The following WDR70 variants were observed in gnomAD, a reference collection of about 807,000 sequenced individuals.
WDR70 encodes WD repeat-containing protein 70.
WDR70 carries 53 observed loss-of-function variants against 88.6 expected under a neutral mutation model. That is an observed-to-expected ratio of 0.60 (90% CI 0.48 to 0.75). The LOEUF (loss-of-function observed/expected upper bound fraction) is 0.75, where lower values mean the gene tolerates loss of function less well. Among genes scored for constraint, WDR70 ranks in the 30% least tolerant of loss-of-function variants. WDR70 has a pLI of 0.00. For synonymous variants in WDR70, 280 were observed against 270.0 expected, an observed-to-expected ratio of 1.04 and a Z score of -0.36; for missense variants, 610 against 823.2, an observed-to-expected ratio of 0.74 and a Z score of 3.17.
At chr5:37,581,305 A>G (rs1308205949) in intron 9 of WDR70, among the ~76,000 whole-genome samples, 1 of 152,178 alleles carries the variant, frequency 6.6e-6, no homozygotes, top group Non-Finnish European at 1.5e-5. Context: ...GGCATTTACT[A>G]TGGGCAAGAG....
intron 9 of WDR70, among the ~76,000 whole-genome samples, chr5:37,523,958 C>T (rs867473844): frequency 2.0e-4 from 31 of 152,226 alleles, no homozygotes; most frequent in Middle Eastern, 3.4e-3. Flanking sequence ...TGAACAAAGC[C>T]GCTAAGAAAT....
chr5:37,424,556 C>A (rs954621722), intron 5 of WDR70, among the ~76,000 whole-genome samples: 2 of 151,776 alleles, frequency 1.3e-5, no homozygotes, highest in East Asian at 3.9e-4. Flanking sequence ...AAGTGCGCAC[C>A]ACCATGCCCG....
chr5:37,747,241 C>A (rs2112743118), intron 17 of WDR70, among the ~76,000 whole-genome samples: 1 of 152,172 alleles, frequency 6.6e-6, no homozygotes, highest in Middle Eastern at 3.4e-3. Context: ...CAAAAGAAGA[C>A]ATTTACGTGG....
intron 10 of WDR70, among the ~76,000 whole-genome samples, chr5:37,693,126 A>G (rs1336358749): frequency 6.6e-6 from 1 of 152,180 alleles, no homozygotes; most frequent in Non-Finnish European, 1.5e-5. Context: ...CTACAAAGAG[A>G]ATAAAATACC....
intron 10 of WDR70, among the ~76,000 whole-genome samples, chr5:37,689,383 C>T (rs191820925): frequency 1.3e-5 from 2 of 152,372 alleles, no homozygotes; most frequent in African/African-American, 2.4e-5. Flanking sequence ...ACTGCCTCCT[C>T]AAGTTGGTTC....
rs567975800 is a variant in WDR70 at position 37,562,463 on chromosome 5, A to G, written c.918-42601A>G. ...TTAATTCTCTTTTTTTTTTTTTTTA[A>G]TTGATCATTCTTGGGTGTTTCTCCC... On this transcript the variant is annotated intron_variant, in intron 9 of 17. Transcript: ENST00000265107. 9.5e-3 allele frequency among the ~76,000 whole-genome samples: 1,385 copies of G among 146,494 alleles called. 27 individuals are homozygous for G. The highest frequency in any genetic ancestry group is 0.033 in the African/African-American group (1,320 of 39,600).
intron 7 of WDR70, among the ~76,000 whole-genome samples, chr5:37,459,280 G>C (rs796725533): frequency 0.051 from 5,132 of 101,054 alleles, 155 homozygotes; most frequent in South Asian, 0.082. Context: ...GTGTGGTGTG[G>C]TGCTGAAAAA....
intron 10 of WDR70, among the ~76,000 whole-genome samples, chr5:37,625,467 A>G (rs1744636294): frequency 6.6e-6 from 1 of 152,022 alleles, no homozygotes; most frequent in South Asian, 2.1e-4. Flanking sequence ...CATGTTGACC[A>G]TATGTATGTC....
intron 9 of WDR70, among the ~76,000 whole-genome samples, chr5:37,591,016 T>C (rs10063001): frequency 0.11 from 16,305 of 152,136 alleles, 2,819 homozygotes; most frequent in African/African-American, 0.36. Flanking sequence ...ACAAATCAAA[T>C]TGATAAATCC....
intron 12 of WDR70, among the ~76,000 whole-genome samples, chr5:37,701,769 G>A (rs1293221048): frequency 1.5e-5 from 2 of 129,144 alleles, no homozygotes; most frequent in Non-Finnish European, 3.2e-5. Context: ...CTGGGGGACA[G>A]AGCCAGACTC....
intron 7 of WDR70, among the ~76,000 whole-genome samples, chr5:37,445,119 C>T (rs1360195910): frequency 6.6e-6 from 1 of 152,114 alleles, no homozygotes; most frequent in East Asian, 1.9e-4. Context: ...TGTGGAATAT[C>T]AAAGGCTTTA....
chr5:37,383,458 C>T (rs562838730), intron 3 of WDR70, among the ~76,000 whole-genome samples: 10 of 152,076 alleles, frequency 6.6e-5, no homozygotes, highest in African/African-American at 2.2e-4. Flanking sequence ...GACGGGGTTT[C>T]GCCATGTTGG....
intron 10 of WDR70, among the ~76,000 whole-genome samples, chr5:37,683,071 A>T (rs1373556515): frequency 6.6e-6 from 1 of 152,186 alleles, no homozygotes; most frequent in Non-Finnish European, 1.5e-5. Context: ...TGTTGAAATA[A>T]ACCTGTTACT....
At chr5:37,385,881 G>A (rs890098661) in intron 3 of WDR70, among the ~76,000 whole-genome samples, 7 of 152,004 alleles carry the variant, frequency 4.6e-5, no homozygotes, top group African/African-American at 1.7e-4. Context: ...TCGACTCACT[G>A]CAAGCTCCGC....
intron 10 of WDR70, among the ~76,000 whole-genome samples, chr5:37,666,335 A>G (rs1745843073): frequency 6.6e-6 from 1 of 152,216 alleles, no homozygotes; most frequent in Non-Finnish European, 1.5e-5. Context: ...ATAAAGGGCA[A>G]CTAAGGAGAT....
chr5:37,519,239 C>T (rs1002212667), intron 9 of WDR70, among the ~76,000 whole-genome samples: 5 of 152,070 alleles, frequency 3.3e-5, no homozygotes, highest in Admixed American at 6.5e-5. Context: ...GATGGGGCAC[C>T]GGGCAGAGGC....
At chr5:37,692,700 T>C (rs1746838918) in intron 10 of WDR70, among the ~76,000 whole-genome samples, 1 of 152,220 alleles carries the variant, frequency 6.6e-6, no homozygotes, top group Admixed American at 6.5e-5. Flanking sequence ...AAACTCGGTA[T>C]TGATGGAACA....
Position 37,435,600 on chromosome 5 carries a change from A to C in WDR70, c.493-2322A>C, listed in dbSNP as rs141829879. 4.6e-5 allele frequency among the ~76,000 whole-genome samples: 7 copies of C among 152,298 alleles called. No individual in the cohort carries two copies. The East Asian group carries it at 1.3e-3, about 29-fold the overall frequency. ...CCCAACTGTTTCTTTACAGTCTAAA[A>C]CAAAACTACCTTTATTTCTGTATTG... is the stretch of plus-strand genomic sequence containing the variant. On this transcript the variant is annotated intron_variant, in intron 5 of 17. Coordinates refer to ENST00000265107, the MANE Select transcript of WDR70 (RefSeq NM_018034.4).
At chr5:37,484,263 A>G (rs371317282) in intron 8 of WDR70, among the ~76,000 whole-genome samples, 1 of 152,234 alleles carries the variant, frequency 6.6e-6, no homozygotes, top group Non-Finnish European at 1.5e-5. Flanking sequence ...AGCCTGGGCA[A>G]CATTGAGCAC....
Sources: gnomAD v4.1 joint callset for allele counts (sites outside exome capture counted in the v4.1 genomes callset) on GRCh38, gnomAD v4.1.1 for gene constraint, MANE v1.5 for transcripts, NCBI Gene and HGNC (gene_info 2026-07-23, HGNC 2026-07-21) for gene names.